The following MAF variants were observed in gnomAD, a reference collection of about 807,000 sequenced individuals.
The protein encoded by MAF is MAF bZIP transcription factor, also known as transcription factor Maf.
Under a neutral mutation model 22.0 loss-of-function variants are expected in MAF, and 10 were observed. The observed-to-expected ratio is 0.45, with a 90% CI of 0.28 to 0.77. The LOEUF (loss-of-function observed/expected upper bound fraction) is 0.77, where lower values mean the gene tolerates loss of function less well. MAF is among the 30% of genes least tolerant of loss of function. MAF has a pLI of 0.12. For synonymous variants in MAF, 337 were observed against 255.8 expected (o/e 1.32, Z -3.03); for missense variants, 544 against 548.4 (o/e 0.99, Z 0.08).
chr16:79,519,432 G>A, the MAF span, among the ~76,000 whole-genome samples: 2 of 152,194 alleles, frequency 1.3e-5, no homozygotes, highest in African/African-American at 4.8e-5. Flanking sequence ...AATGCTACGG[G>A]GAGTCTCTAA....
chr16:79,565,072 G>A, the MAF span, among the ~76,000 whole-genome samples: 1 of 152,046 alleles, frequency 6.6e-6, no homozygotes, highest in Non-Finnish European at 1.5e-5. Flanking sequence ...GCTTTGCAAG[G>A]GCACCTACCC....
chr16:79,239,189 C>A, the MAF span, among the ~76,000 whole-genome samples: 2 of 152,074 alleles, frequency 1.3e-5, no homozygotes, highest in African/African-American at 4.8e-5. Flanking sequence ...TTGTCAAATT[C>A]TCTCTCTGTT....
chr16:79,440,134 T>C, the MAF span, among the ~76,000 whole-genome samples: 1 of 152,202 alleles, frequency 6.6e-6, no homozygotes, highest in Non-Finnish European at 1.5e-5. Context: ...GTTGCACCAC[T>C]ACCACCTGGA....
chr16:79,356,801 C>T, the MAF span, among the ~76,000 whole-genome samples: 2 of 152,200 alleles, frequency 1.3e-5, no homozygotes, highest in Non-Finnish European at 2.9e-5. Flanking sequence ...CATGCTGTTG[C>T]TCTTGGGCCC....
At chr16:79,250,285 A>T in the MAF span, among the ~76,000 whole-genome samples, 4 of 152,220 alleles carry the variant, frequency 2.6e-5, no homozygotes, top group Non-Finnish European at 5.9e-5. Flanking sequence ...TCCAAACAAA[A>T]GAGGACTTCT....
At chr16:79,366,029 C>G in the MAF span, among the ~76,000 whole-genome samples, 4 of 152,136 alleles carry the variant, frequency 2.6e-5, no homozygotes, top group South Asian at 8.3e-4. Flanking sequence ...TTGAGACTGC[C>G]TTTTTGTCTT....
At chr16:79,506,860 A>T in the MAF span, among the ~76,000 whole-genome samples, 1 of 152,174 alleles carries the variant, frequency 6.6e-6, no homozygotes, top group Non-Finnish European at 1.5e-5. Context: ...TATGATAAGA[A>T]ATTTGGATTT....
At chr16:79,217,101 C>T in the MAF span, among the ~76,000 whole-genome samples, 2 of 152,248 alleles carry the variant, frequency 1.3e-5, no homozygotes, top group African/African-American at 4.8e-5. Context: ...TGAGCCATCG[C>T]ACCCGGTGTC....
chr16:79,350,799 T>G, the MAF span, among the ~76,000 whole-genome samples: 1 of 151,962 alleles, frequency 6.6e-6, no homozygotes, highest in Non-Finnish European at 1.5e-5. Flanking sequence ...AATACAAAGT[T>G]GAATGTGTTA....
chr16:79,557,015 G>C, the MAF span, among the ~76,000 whole-genome samples: 1 of 149,182 alleles, frequency 6.7e-6, no homozygotes, highest in African/African-American at 2.5e-5. Flanking sequence ...ACAGGGGCTT[G>C]CTATGTTGCC....
At chr16:79,493,158 G>C in the MAF span, among the ~76,000 whole-genome samples, 1 of 147,994 alleles carries the variant, frequency 6.8e-6, no homozygotes, top group Non-Finnish European at 1.5e-5. Context: ...GTTTTGTCTT[G>C]TTTTGTTTTG....
At chr16:79,220,156 T>C in the MAF span, among the ~76,000 whole-genome samples, 1 of 147,308 alleles carries the variant, frequency 6.8e-6, no homozygotes, top group Non-Finnish European at 1.5e-5. Flanking sequence ...CTCGGGAGGC[T>C]GAGGCAGGAG....
chr16:79,384,523 C>T, the MAF span, among the ~76,000 whole-genome samples: 9 of 150,664 alleles, frequency 6.0e-5, no homozygotes, highest in African/African-American at 2.2e-4. Context: ...TTTGGGAGGC[C>T]GAGGCAGGTG....
the MAF span, among the ~76,000 whole-genome samples, chr16:79,484,182 A>G: frequency 6.6e-6 from 1 of 152,170 alleles, no homozygotes; most frequent in East Asian, 1.9e-4. Flanking sequence ...GCCGACAGTC[A>G]CCTATCAAAC....
the MAF span, among the ~76,000 whole-genome samples, chr16:79,558,757 G>T: frequency 1.3e-5 from 2 of 152,126 alleles, no homozygotes; most frequent in African/African-American, 2.4e-5. Context: ...GAGTCCAGTG[G>T]CTTTCTTTGG....
chr16:79,353,834 T>A, the MAF span, among the ~76,000 whole-genome samples: 1 of 152,172 alleles, frequency 6.6e-6, no homozygotes, highest in South Asian at 2.1e-4. Context: ...TTATTTAGTG[T>A]CTTGTGGATG....
chr16:79,425,115 G>A, the MAF span, among the ~76,000 whole-genome samples: 93 of 151,976 alleles, frequency 6.1e-4, no homozygotes, highest in Middle Eastern at 0.014. Context: ...ACTTTTCATC[G>A]TATTAATTAT....
At chr16:79,495,387 C>G in the MAF span, among the ~76,000 whole-genome samples, 1 of 152,176 alleles carries the variant, frequency 6.6e-6, no homozygotes. Flanking sequence ...CACTTGAGCC[C>G]AGGAGGTCAA....
chr16:79,278,647 G>GC, the MAF span, among the ~76,000 whole-genome samples: 3 of 152,064 alleles, frequency 2.0e-5, no homozygotes, highest in East Asian at 5.8e-4. Flanking sequence ...GCCTCCTTGA[G>GC]TGCCGGGTTT....
Sources: allele counts gnomAD v4.1 joint callset (sites outside exome capture counted in the v4.1 genomes callset), GRCh38; gene constraint gnomAD v4.1.1; transcripts MANE v1.5; gene names NCBI Gene and HGNC (gene_info 2026-07-23, HGNC 2026-07-21).